TTN: variants seen among roughly 807,000 people sequenced by gnomAD.
TTN encodes the protein connectin.
Under a neutral mutation model 3,223.0 loss-of-function variants are expected in TTN, and 1,525 were observed. That is an observed-to-expected ratio of 0.47 (90% CI 0.45 to 0.49). TTN has a LOEUF of 0.49. TTN is among the 20% of genes least tolerant of loss of function. The pLI is 0.00. For synonymous variants in TTN, 14,094 were observed against 15,161.0 expected, an observed-to-expected ratio of 0.93 and a Z score of 5.17; for missense variants, 40,786 against 43,424.0, an observed-to-expected ratio of 0.94 and a Z score of 5.40.
chr2:178,636,397 C>T lies in TTN; in HGVS notation c.41329+1G>A. ...ATTATGTTCAGAAGACTAGAAATTA[C>T]CTTCTACAACAAGTTTAGCCGTGGA... On this transcript the variant is annotated splice_donor_variant, in intron 225 of 362. Coordinates refer to ENST00000589042, the MANE Select transcript of TTN (RefSeq NM_001267550.2). LOFTEE classifies it high-confidence loss of function. The surrounding 1 kb of genome is among the most constrained non-coding windows in gnomAD (Gnocchi z 4.3). 1 of 1,598,180 alleles carries T rather than the reference C, an allele frequency of 6.3e-7. No individual in the cohort carries two copies. Among genetic ancestry groups the T allele is most frequent in the South Asian group, 1.1e-5 (1 of 88,626 alleles).
In TTN at chr2:178,547,623, C is replaced by G; in HGVS notation, c.94003G>C (p.Asp31335His). 6.2e-7 allele frequency: 1 copy of G among 1,613,920 alleles called. No homozygotes were observed. The highest frequency in any genetic ancestry group is 8.5e-7 in the Non-Finnish European group (1 of 1,179,836). ...TTAGTAATTTCAGTGCCTCCTCCAT[C>G]TTTAGGTTCTCCCCATGACAGGACA... Reference protein sequence around the residue: ...SCVLSWGEPKDGGGTEITNYI... With the variant: ...SCVLSWGEPKHGGGTEITNYI... Residue 31335 changes from aspartate to histidine, a missense_variant, in exon 339 of 363, where the codon GAT (aspartate) becomes CAT (histidine). Coordinates refer to ENST00000589042, the MANE Select transcript of TTN (RefSeq NM_001267550.2).
At chr2:178,631,823 C>G (rs1354609913) in intron 236 of TTN, among the ~76,000 whole-genome samples, 1 of 151,938 alleles carries the variant, frequency 6.6e-6, no homozygotes, top group Non-Finnish European at 1.5e-5. Context: ...AAAAACATTC[C>G]TCTGAAATAA....
At chr2:178,713,547 G>A (rs1031119943) in intron 92 of TTN, among the ~76,000 whole-genome samples, 175 bp from the exon 93 acceptor site, 15 of 152,256 alleles carry the variant, frequency 9.9e-5, no homozygotes, top group Non-Finnish European at 2.2e-4. Flanking sequence ...AAAGCTTGGA[G>A]AATCAGTGGG....
intron 133 of TTN, 115 bp downstream of exon 133, chr2:178,683,884 T>C (rs1403533918): frequency 4.3e-6 from 3 of 691,788 alleles, no homozygotes; most frequent in East Asian, 3.0e-5. Context: ...AACAAACTTA[T>C]ATTGCTTACT....
At position 178,563,213 on chromosome 2, in the gene TTN, G is replaced by T; in HGVS notation, c.82919C>A (p.Thr27640Asn). Residue 27640 changes from threonine to asparagine, a missense_variant, in exon 326 of 363, where the codon ACT becomes AAT. Thr to Asn is a moderately conservative substitution (Grantham distance 65, BLOSUM62 0). Transcript: ENST00000589042. This position sits in a 1 kb window ranked among gnomAD's most constrained non-coding sequence, Gnocchi z 4.5. ...QFTVTKLKEN[T>N]EYNFRICAIN... ...GGCACAAATACGGAAGTTATATTCA[G>T]TGTTTTCTTTAAGCTTGGTCACTGT... 1 of 1,613,702 alleles carries T rather than the reference G, an allele frequency of 6.2e-7. No individual in the cohort carries two copies. The highest frequency in any genetic ancestry group is 8.5e-7 in the Non-Finnish European group (1 of 1,179,708).
Position 178,688,100 on chromosome 2 carries a change from G to A in TTN, c.32311+11C>T. On this transcript the variant is annotated intron_variant, in intron 127 of 362. Transcript: ENST00000589042. ...ACCCCAGATCATCTCTAGCTTATTT[G>A]CATTGTTTACCTTCATATTCTGTAA... is the stretch of plus-strand genomic sequence containing the variant. 6.2e-7 allele frequency: 1 copy of A among 1,605,616 alleles called. No homozygotes were observed.
chr2:178,779,605 G>A, intron 22 of TTN, 143 bp from the exon 23 acceptor site: 1 of 630,188 alleles, frequency 1.6e-6, no homozygotes, highest in Non-Finnish European at 2.7e-6. Context: ...GTTTTAATCT[G>A]CATTATGGTC....
In TTN at chr2:178,608,834, GTGGT is replaced by G; in HGVS notation, c.52173_52176del (p.Glu17391AspfsTer11). ...ATTTCACTGCCACCATCATCAAGGG[GTGGT>G]TCCCATTTACAAAGGACTGAGGTCT... is the stretch of plus-strand genomic sequence containing the variant. On this transcript the variant is annotated frameshift_variant, in exon 274 of 363. Coordinates refer to ENST00000589042, the MANE Select transcript of TTN (RefSeq NM_001267550.2). LOFTEE classifies it high-confidence loss of function. 1 of 1,612,358 alleles carries G rather than the reference GTGGT, an allele frequency of 6.2e-7. No individual in the cohort carries two copies. The highest frequency in any genetic ancestry group is 8.5e-7 in the Non-Finnish European group (1 of 1,179,208).
In TTN at chr2:178,530,802, T is replaced by G. The variant is rs777268739; in HGVS notation, c.105813A>C (p.Pro35271=). ...PKAVSPTETK[P]TPTEKVQHLP... ...GGTGCTGAACTTTCTCTGTTGGTGTTGGTTTTGTCTCTGTGGGTGATACGG... is the reference window on the plus strand; with the variant it reads ...GGTGCTGAACTTTCTCTGTTGGTGTGGGTTTTGTCTCTGTGGGTGATACGG... The change falls in exon 358 of 363, where the codon CCA becomes CCC. Residue 35271 remains proline (P), a synonymous_variant. Coordinates refer to ENST00000589042, the MANE Select transcript of TTN (RefSeq NM_001267550.2). The G allele has an allele frequency of 1.9e-5, 30 of 1,613,892 alleles. No individual in the cohort carries two copies. Among genetic ancestry groups the G allele is most frequent in the Middle Eastern group, 1.7e-4 (1 of 6,058 alleles).
chr2:178,628,226 A>G (rs1198419550), intron 240 of TTN, among the ~76,000 whole-genome samples: 1 of 152,050 alleles, frequency 6.6e-6, no homozygotes, highest in Non-Finnish European at 1.5e-5. Flanking sequence ...GTTTGTTTCA[A>G]AGCAGTTACT....
Position 178,738,295 on chromosome 2 carries a change from T to C in TTN, c.14158A>G (p.Thr4720Ala). Residue 4720 changes from threonine (T) to alanine (A), a missense_variant, in exon 49 of 363, where the codon ACC becomes GCC. Coordinates refer to ENST00000589042, the MANE Select transcript of TTN (RefSeq NM_001267550.2). ...EVALGHLAKFTCEIQSAPNVR... is the reference protein window; with the variant it reads ...EVALGHLAKFACEIQSAPNVR... ...TTGGGAGCACTTTGGATCTCACAGGTGAATTTGGCTAGGTGGCCCAGTGCT... is the reference window on the plus strand; with the variant it reads ...TTGGGAGCACTTTGGATCTCACAGGCGAATTTGGCTAGGTGGCCCAGTGCT... 1 of 1,613,508 alleles carries C rather than the reference T, an allele frequency of 6.2e-7. No individual in the cohort carries two copies. Among genetic ancestry groups the C allele is most frequent in the Non-Finnish European group, 8.5e-7 (1 of 1,179,688 alleles).
rs754524673 is a variant in TTN at position 178,541,538 on chromosome 2, A to G, written c.97539T>C (p.Arg32513=). Residue 32513 remains arginine, a synonymous_variant, in exon 350 of 363, where the codon CGT becomes CGC. Transcript: ENST00000589042. Reference sequence around the variant, plus strand: ...GGTACCAAGTAAGTGTCATGCCATCACGGGAAACATCAAATATCTGTAATG... The same window carrying G: ...GGTACCAAGTAAGTGTCATGCCATCGCGGGAAACATCAAATATCTGTAATG... ...PETLQIFDVS[R]DGMTLTWYPP... The G allele has an allele frequency of 6.2e-6, 10 of 1,612,708 alleles. No individual in the cohort carries two copies. The highest frequency in any genetic ancestry group is 8.5e-6 in the Non-Finnish European group (10 of 1,179,216).
chr2:178,712,851 T>C lies in TTN; in HGVS notation c.27174A>G (p.Glu9058=), dbSNP rs746874191. ...CGTTGCATCTGTCACCTGGTACTAG[T>C]TCACTGCTACCTTTGAACCAGCTAA... ...FSVSWFKGSS[E]LVPGDRCNVS... Residue 9058 remains glutamate (E), a synonymous_variant, in exon 94 of 363, where the codon GAA becomes GAG. Coordinates refer to ENST00000589042, the MANE Select transcript of TTN (RefSeq NM_001267550.2). 9.9e-6 allele frequency: 16 copies of C among 1,613,674 alleles called. No individual in the cohort carries two copies. The East Asian group carries it at 1.1e-4, about 11-fold the overall frequency.
In TTN at chr2:178,649,907, G is replaced by C. The variant is rs1455452769; in HGVS notation, c.39818-13C>G. The C allele has an allele frequency of 6.3e-7, 1 of 1,597,664 alleles. No individual in the cohort carries two copies. The highest frequency in any genetic ancestry group is 1.8e-5 in the Admixed American group (1 of 55,140). ...GGCTCTTCAGGCACTTGAATAATAG[G>C]AATTTCTTTTAGAATTAGGTGATTA... On this transcript the variant is annotated splice_polypyrimidine_tract_variant and intron_variant, in intron 210 of 362. Coordinates refer to ENST00000589042, the MANE Select transcript of TTN (RefSeq NM_001267550.2).
In TTN at chr2:178,729,666, T is replaced by G; in HGVS notation, c.18587A>C (p.Lys6196Thr). 1 of 1,613,718 alleles carries G rather than the reference T, an allele frequency of 6.2e-7. No homozygotes were observed. Among genetic ancestry groups the G allele is most frequent in the Non-Finnish European group, 8.5e-7 (1 of 1,179,712 alleles). The change falls in exon 63 of 363, where the codon AAA becomes ACA. Residue 6196 changes from lysine (K) to threonine (T), a missense_variant and splice_region_variant. Coordinates refer to ENST00000589042, the MANE Select transcript of TTN (RefSeq NM_001267550.2). ...GAGAATAGATTCCATTCACGAACCT[T>G]TCACTTTGAGTTCAATGCTGCAGCT... is the stretch of plus-strand genomic sequence containing the variant. ...TASCSIELKV[K>T]EPPTFIRELK...
Position 178,615,385 on chromosome 2 carries a change from A to C in TTN, c.48560T>G (p.Ile16187Ser), listed in dbSNP as rs777279411. Residue 16187 changes from isoleucine to serine, a missense_variant, in exon 259 of 363, where the codon ATC (isoleucine) becomes AGC (serine). Coordinates refer to ENST00000589042, the MANE Select transcript of TTN (RefSeq NM_001267550.2). ...ACATCTTTCAACTATATATCCTTTG[A>C]TGCGTGAACCACCATCATTTTTAGG... ...DPPKNDGGSR[I>S]KGYIVERCPR... The C allele has an allele frequency of 5.0e-6, 8 of 1,612,648 alleles. No individual in the cohort carries two copies. The highest frequency in any genetic ancestry group is 6.8e-6 in the Non-Finnish European group (8 of 1,179,064).
chr2:178,582,561 G>C lies in TTN; in HGVS notation c.65895C>G (p.Ile21965Met). Residue 21965 changes from isoleucine (I) to methionine (M), a missense_variant, in exon 314 of 363, where the codon ATC becomes ATG. Transcript: ENST00000589042. ...TAGCACGATCTGAATACATTTTGTT[G>C]ATTTTAACAGATGCTGGAGGACCCG... ...DKPGPPASVK[I>M]NKMYSDRAML... is the part of the protein sequence containing the mutation. 2 of 1,610,664 alleles carry C rather than the reference G, an allele frequency of 1.2e-6. No individual in the cohort carries two copies.
rs2060141490 is a variant in TTN, at chr2:178,634,204, A to G, written c.42416-121T>C. 1 of 1,491,572 alleles carries G rather than the reference A, an allele frequency of 6.7e-7. No individual in the cohort carries two copies. Among genetic ancestry groups the G allele is most frequent in the Non-Finnish European group, 8.9e-7 (1 of 1,122,180 alleles). The allele number at this position is 1,491,572 out of a possible 1,614,324, so 92.4% of individuals were successfully genotyped here. ...GGCACTTATTTATTCATCTTTCCAA[A>G]TAGAGCTCCACTAAAAACAAATTAA... On this transcript the variant is annotated intron_variant, in intron 230 of 362. Coordinates refer to ENST00000589042, the MANE Select transcript of TTN (RefSeq NM_001267550.2). The surrounding 1 kb of genome is among the most constrained non-coding windows in gnomAD (Gnocchi z 4.6).
intron 208 of TTN, 144 bp downstream of exon 208, chr2:178,651,099 A>T: frequency 1.4e-6 from 1 of 719,368 alleles, no homozygotes; most frequent in Non-Finnish European, 2.3e-6. Flanking sequence ...AAAAATTATT[A>T]AAAAGTATTC....
Sources: allele counts gnomAD v4.1 joint callset (sites outside exome capture counted in the v4.1 genomes callset), GRCh38; gene constraint gnomAD v4.1.1; non-coding constraint Gnocchi (gnomAD v3.1); transcripts MANE v1.5; gene names NCBI Gene and HGNC (gene_info 2026-07-23, HGNC 2026-07-21).